Variants in CS observed in about 807,000 individuals in gnomAD.
The protein encoded by CS is citrate synthase, mitochondrial.
A neutral mutation model predicts 61.4 loss-of-function variants in CS; 13 were observed. That is an observed-to-expected ratio of 0.21 (90% confidence interval 0.14 to 0.34). The LOEUF (loss-of-function observed/expected upper bound fraction) is 0.34, where lower values mean the gene tolerates loss of function less well. CS is among the 10% of genes least tolerant of loss of function. The probability of loss-of-function intolerance (pLI) is 1.00; values close to 1 mark genes in which losing one functional copy is unlikely to be tolerated. For synonymous variants in CS, 159 were observed against 215.2 expected, an observed-to-expected ratio of 0.74 and a Z score of 2.29; for missense variants, 278 against 573.4, an observed-to-expected ratio of 0.48 and a Z score of 5.26.
chr12:56,297,275 A>G (rs1378847625), intron 1 of CS, among the ~76,000 whole-genome samples: 5 of 152,212 alleles, frequency 3.3e-5, no homozygotes, highest in Non-Finnish European at 7.3e-5. Flanking sequence ...CTGTGAAAAG[A>G]CATTTTTGAT....
At chr12:56,275,876 C>A (rs148996765) in intron 7 of CS, 120 bp downstream of exon 7, 2 of 870,392 alleles carry the variant, frequency 2.3e-6, no homozygotes, top group Non-Finnish European at 3.7e-6. Context: ...CTTTATGCCA[C>A]GTTTCTGTCT....
chr12:56,290,660 C>T (rs180772904), intron 1 of CS, among the ~76,000 whole-genome samples: 6 of 152,150 alleles, frequency 3.9e-5, no homozygotes, highest in Admixed American at 2.6e-4. Flanking sequence ...AAAAATTCAA[C>T]TTAGGACAAC....
In CS at chr12:56,280,416, C is replaced by CAAAAAAAAAAAAAAAA. The variant is rs1190260476; in HGVS notation, c.588+2003_588+2004insTTTTTTTTTTTTTTTT. Among the ~76,000 whole-genome samples the CAAAAAAAAAAAAAAAA allele has an allele frequency of 4.5e-5, 4 of 89,800 alleles. 1 individual carries two copies. Among genetic ancestry groups the CAAAAAAAAAAAAAAAA allele is most frequent in the Admixed American group, 1.6e-4 (1 of 6,094 alleles). 58.9% of individuals were successfully genotyped at this position (89,800 alleles called of 152,430 possible). A position where few individuals can be genotyped will look rare whatever the true frequency, so the allele number is the denominator to read the frequency against. On this transcript the variant is annotated intron_variant, in intron 6 of 10. Coordinates refer to ENST00000351328, the MANE Select transcript of CS (RefSeq NM_004077.3). Reference sequence around the variant, plus strand: ...GGTGACAGTGCAAGACACCGTCTCCCAAAAAAAACAAAAAAAAAAAACAAA... The same window carrying CAAAAAAAAAAAAAAAA: ...GGTGACAGTGCAAGACACCGTCTCCCAAAAAAAAAAAAAAAAAAAAAAAACAAAAAAAAAAAACAAA...
chr12:56,286,255 T>C (rs1053518178), intron 2 of CS: 3 of 564,218 alleles, frequency 5.3e-6, no homozygotes, highest in Admixed American at 3.2e-5. Context: ...GTTCTGGAGA[T>C]GGATGGTTGC....
rs754488514 is a variant in CS at position 56,282,402 on chromosome 12, C to G, written c.588+18G>C. On this transcript the variant is annotated intron_variant, in intron 6 of 10. Coordinates refer to ENST00000351328, the MANE Select transcript of CS (RefSeq NM_004077.3). ...TGAATCCCCATCACACACCGATCAC[C>G]CCACCCAAATTTCCTACCTCCCAGT... 3 of 1,565,616 alleles carry G rather than the reference C, an allele frequency of 1.9e-6. No individual in the cohort carries two copies. Among genetic ancestry groups the G allele is most frequent in the Admixed American group, 3.7e-5 (2 of 54,470 alleles).
At position 56,282,857 on chromosome 12, in the gene CS, T is replaced by C; in HGVS notation, c.399+3A>G. 6.2e-7 allele frequency: 1 copy of C among 1,614,164 alleles called. No homozygotes were observed. Among genetic ancestry groups the C allele is most frequent in the Non-Finnish European group, 8.5e-7 (1 of 1,180,034 alleles). On this transcript the variant is annotated splice_donor_region_variant and intron_variant, in intron 5 of 10. Transcript: ENST00000351328. ...AAGAGCTAATAATATCCTTCTGCTTTACCTGTTCCTCTGTTGGGATATGTC... is the reference window on the plus strand; with the variant it reads ...AAGAGCTAATAATATCCTTCTGCTTCACCTGTTCCTCTGTTGGGATATGTC...
intron 1 of CS, among the ~76,000 whole-genome samples, chr12:56,294,654 C>G (rs562818575): frequency 6.6e-6 from 1 of 151,788 alleles, no homozygotes; most frequent in South Asian, 2.1e-4. Context: ...GAAACCTCCA[C>G]CCCCTGGGTT....
At chr12:56,279,756 AC>A (rs1872718837) in intron 6 of CS, among the ~76,000 whole-genome samples, 1 of 148,232 alleles carries the variant, frequency 6.7e-6, no homozygotes. Context: ...ACAGAGCGAG[AC>A]TCCATCTCAA....
At chr12:56,293,645 C>CG (rs1369944309) in intron 1 of CS, among the ~76,000 whole-genome samples, 1 of 152,108 alleles carries the variant, frequency 6.6e-6, no homozygotes, top group Non-Finnish European at 1.5e-5. Context: ...ACCTGGGAGA[C>CG]GGAGGTTGCA....
chr12:56,294,760 C>T (rs1052199838), intron 1 of CS, among the ~76,000 whole-genome samples: 16 of 151,330 alleles, frequency 1.1e-4, no homozygotes, highest in African/African-American at 3.4e-4. Flanking sequence ...ACTTTCCTTT[C>T]AGTAGGAACA....
intron 1 of CS, among the ~76,000 whole-genome samples, chr12:56,294,478 A>AG (rs1288209410): frequency 1.6e-4 from 24 of 150,480 alleles, no homozygotes; most frequent in African/African-American, 2.4e-4. Context: ...TGTCTCAAAA[A>AG]AAAAAAAAAA....
At chr12:56,277,440 A>G (rs1208200401) in intron 6 of CS, among the ~76,000 whole-genome samples, 1 of 150,858 alleles carries the variant, frequency 6.6e-6, no homozygotes, top group African/African-American at 2.4e-5. Context: ...TGGAGCTTGC[A>G]GTGAGCCAAG....
chr12:56,293,049 G>A (rs1873181831), intron 1 of CS, among the ~76,000 whole-genome samples: 1 of 152,220 alleles, frequency 6.6e-6, no homozygotes, highest in Admixed American at 6.5e-5. Context: ...TGAAGCTGCA[G>A]TGAGCTGAGA....
At position 56,273,569 on chromosome 12, in the gene CS, A is replaced by G; in HGVS notation, c.1230+18T>C. The G allele has an allele frequency of 6.2e-7, 1 of 1,611,790 alleles. No homozygotes were observed. The highest frequency in any genetic ancestry group is 8.5e-7 in the Non-Finnish European group (1 of 1,177,902). On this transcript the variant is annotated intron_variant, in intron 10 of 10. Coordinates refer to ENST00000351328, the MANE Select transcript of CS (RefSeq NM_004077.3). ...GTTTGGTACAAATTAGAGGGAAAAG[A>G]GGGAAAGGAGGACTTACCTGGAGCA...
At chr12:56,284,701 A>ATTC (rs1872885313) in intron 3 of CS, among the ~76,000 whole-genome samples, 1 of 149,706 alleles carries the variant, frequency 6.7e-6, no homozygotes, top group Admixed American at 6.6e-5. Flanking sequence ...GGATATCGAG[A>ATTC]CATCCTGGCC....
At position 56,300,273 on chromosome 12, in the gene CS, C is replaced by T; in HGVS notation, c.-72G>A. ...GCTGCGGCAGGAACAGGAGCCGCCG[C>T]CGCTGCACCAGAGGCCGCGCCGACG... is the stretch of plus-strand genomic sequence containing the variant. On this transcript the variant is annotated 5_prime_UTR_variant, in exon 1 of 11. Transcript: ENST00000351328. The T allele has an allele frequency of 3.4e-6, 5 of 1,475,014 alleles. No individual in the cohort carries two copies. Among genetic ancestry groups the T allele is most frequent in the South Asian group, 1.2e-5 (1 of 81,644 alleles). The allele number at this position is 1,475,014 out of a possible 1,614,324, so 91.4% of individuals were successfully genotyped here.
Position 56,285,971 on chromosome 12 carries a change from T to C in CS, c.146A>G (p.Lys49Arg). The C allele has an allele frequency of 6.2e-7, 1 of 1,613,672 alleles. No homozygotes were observed. The highest frequency in any genetic ancestry group is 1.3e-5 in the African/African-American group (1 of 75,062). The change falls in exon 3 of 11, where the codon AAG becomes AGG. Residue 49 changes from lysine to arginine, a missense_variant. Physicochemically the swap from Lys to Arg is conservative, Grantham distance 26. Coordinates refer to ENST00000351328, the MANE Select transcript of CS (RefSeq NM_004077.3). ...CTTGCCATGTTGCTGCCTGAAAGTCTTAATTCTGGCCTGCTCCTTAGGTAT... is the reference window on the plus strand; with the variant it reads ...CTTGCCATGTTGCTGCCTGAAAGTCCTAATTCTGGCCTGCTCCTTAGGTAT... ...DLIPKEQARI[K>R]TFRQQHGKTV...
At chr12:56,296,247 GC>G (rs1046991592) in intron 1 of CS, among the ~76,000 whole-genome samples, 5 of 152,110 alleles carry the variant, frequency 3.3e-5, no homozygotes, top group African/African-American at 1.2e-4. Flanking sequence ...GATTGCTTGA[GC>G]CCAGGAGTTC....
chr12:56,285,134 C>T (rs1021145716), intron 3 of CS: 4 of 226,474 alleles, frequency 1.8e-5, no homozygotes, highest in Non-Finnish European at 3.8e-5. Context: ...TTAGTAGAGA[C>T]GGAGTTTTAC....
Sources: gnomAD v4.1 joint callset for allele counts (sites outside exome capture counted in the v4.1 genomes callset) on GRCh38, gnomAD v4.1.1 for gene constraint, MANE v1.5 for transcripts, NCBI Gene and HGNC (gene_info 2026-07-23, HGNC 2026-07-21) for gene names.